SUPT3H: variants seen among roughly 807,000 people sequenced by gnomAD.
The protein encoded by SUPT3H is transcription initiation protein SPT3 homolog.
A neutral mutation model predicts 44.3 loss-of-function variants in SUPT3H; 44 were observed. That is an observed-to-expected ratio of 0.99 (90% CI 0.78 to 1.28). The LOEUF (loss-of-function observed/expected upper bound fraction) is 1.28, where lower values mean the gene tolerates loss of function less well. Among genes scored for constraint, SUPT3H ranks in the 50% most tolerant of loss-of-function variants. SUPT3H has a pLI of 0.00. For missense variants in SUPT3H, 380 were observed against 387.1 expected (o/e 0.98, Z 0.15); for synonymous variants, 124 against 125.6 (o/e 0.99, Z 0.09).
intron 3 of SUPT3H, among the ~76,000 whole-genome samples, chr6:45,078,661 A>G (rs1299770756): frequency 6.6e-6 from 1 of 152,118 alleles, no homozygotes; most frequent in Non-Finnish European, 1.5e-5. Context: ...TTCATTTCGA[A>G]AGGAGAGCTT....
At chr6:45,161,412 C>G (rs955131870) in intron 2 of SUPT3H, among the ~76,000 whole-genome samples, 1 of 152,134 alleles carries the variant, frequency 6.6e-6, no homozygotes, top group Non-Finnish European at 1.5e-5. Flanking sequence ...CTGATCTCTA[C>G]GTAGGGCAAT....
At chr6:45,115,063 T>C (rs547445963) in intron 2 of SUPT3H, among the ~76,000 whole-genome samples, 2 of 152,300 alleles carry the variant, frequency 1.3e-5, no homozygotes, top group East Asian at 3.9e-4. Flanking sequence ...TCCTATAACA[T>C]TGAAAACAGA....
rs1223800330 is a variant in SUPT3H, at chr6:45,180,784, A to T, written c.102-74778T>A. On this transcript the variant is annotated intron_variant, in intron 2 of 10. Coordinates refer to ENST00000371459, the MANE Select transcript of SUPT3H (RefSeq NM_003599.4). ...AAAACCCTGGAAGAAAACCTAGGCA[A>T]TACCATTCAGGACATAGGCATGGGC... Among the ~76,000 whole-genome samples, 4 of 152,210 alleles carry T rather than the reference A, an allele frequency of 2.6e-5. No individual in the cohort carries two copies. The East Asian group carries it at 5.8e-4, about 22-fold the overall frequency.
chr6:45,369,734 G>C (rs1795736516), intron 1 of SUPT3H, among the ~76,000 whole-genome samples: 1 of 152,172 alleles, frequency 6.6e-6, no homozygotes, highest in Non-Finnish European at 1.5e-5. Context: ...GGATATAGTA[G>C]TGACTAAGTC....
intron 10 of SUPT3H, among the ~76,000 whole-genome samples, chr6:44,862,867 C>T (rs191150021): frequency 1.3e-5 from 2 of 152,060 alleles, no homozygotes; most frequent in African/African-American, 4.8e-5. Context: ...ACACCTTGAA[C>T]CTGATCAAAC....
At chr6:44,912,539 ATGTT>A (rs1477916215) in intron 10 of SUPT3H, among the ~76,000 whole-genome samples, 1 of 152,154 alleles carries the variant, frequency 6.6e-6, no homozygotes, top group Non-Finnish European at 1.5e-5. Context: ...AACCTGAACA[ATGTT>A]TGTGATAGGA....
At chr6:45,213,483 C>G (rs1268821057) in intron 2 of SUPT3H, among the ~76,000 whole-genome samples, 2 of 151,830 alleles carry the variant, frequency 1.3e-5, no homozygotes, top group Non-Finnish European at 2.9e-5. Flanking sequence ...ATTAAATAAC[C>G]TATTATTCTT....
intron 2 of SUPT3H, among the ~76,000 whole-genome samples, chr6:45,229,806 T>A (rs1263624803): frequency 1.3e-5 from 2 of 152,118 alleles, no homozygotes; most frequent in African/African-American, 2.4e-5. Context: ...TAATCCAACA[T>A]CTTGACTATT....
intron 3 of SUPT3H, among the ~76,000 whole-genome samples, chr6:45,101,428 AAAC>A (rs1040253894): frequency 4.6e-5 from 7 of 152,224 alleles, no homozygotes; most frequent in Admixed American, 2.6e-4. Context: ...TCCGTCTCCA[AAAC>A]AACAACAACA....
At chr6:44,973,964 C>T (rs1340561628) in intron 6 of SUPT3H, among the ~76,000 whole-genome samples, 4 of 152,168 alleles carry the variant, frequency 2.6e-5, no homozygotes, top group African/African-American at 4.8e-5. Flanking sequence ...ATGGGAACTA[C>T]AATTCCAGAT....
At chr6:45,345,304 G>A (rs1790626533) in intron 2 of SUPT3H, among the ~76,000 whole-genome samples, 1 of 152,156 alleles carries the variant, frequency 6.6e-6, no homozygotes, top group Non-Finnish European at 1.5e-5. Context: ...GAGGTTGACA[G>A]TAAAACTTTT....
chr6:44,942,625 G>T (rs1582650810), intron 9 of SUPT3H, among the ~76,000 whole-genome samples: 1 of 152,226 alleles, frequency 6.6e-6, no homozygotes, highest in Non-Finnish European at 1.5e-5. Context: ...GAGAGATGGG[G>T]TCTCACTATG....
chr6:45,221,223 T>C (rs554452590), intron 2 of SUPT3H, among the ~76,000 whole-genome samples: 5 of 152,042 alleles, frequency 3.3e-5, no homozygotes, highest in Non-Finnish European at 7.4e-5. Context: ...GGGCCTGTCA[T>C]GGGGTGGGGG....
At chr6:45,227,311 T>C (rs929543646) in intron 2 of SUPT3H, among the ~76,000 whole-genome samples, 1 of 151,992 alleles carries the variant, frequency 6.6e-6, no homozygotes, top group Non-Finnish European at 1.5e-5. Flanking sequence ...AAACATATTC[T>C]ACTTCAGACA....
At position 44,919,476 on chromosome 6, in the gene SUPT3H, A is replaced by T. The variant is rs201257228; in HGVS notation, c.912+13177T>A. Among the ~76,000 whole-genome samples the T allele has an allele frequency of 3.2e-3, 393 of 121,892 alleles. 1 individual carries two copies. Among genetic ancestry groups the T allele is most frequent in the African/African-American group, 0.011 (352 of 32,760 alleles). The allele number at this position is 121,892 out of a possible 152,430, so 80.0% of individuals were successfully genotyped here. The stretch of plus-strand genomic sequence containing the variant: ...AGCTATAGTGTATTTTTTTTTTTTT[A>T]AAGTTTAGATGACTTCTGCTTTGAG... On this transcript the variant is annotated intron_variant, in intron 10 of 10. Coordinates refer to ENST00000371459, the MANE Select transcript of SUPT3H (RefSeq NM_003599.4).
chr6:44,929,766 TCC>T (rs1281723478), intron 10 of SUPT3H, among the ~76,000 whole-genome samples: 8 of 125,220 alleles, frequency 6.4e-5, no homozygotes, highest in Admixed American at 5.1e-4. Context: ...TACCATGAGC[TCC>T]CTTTTTTTTT....
chr6:44,909,661 G>A (rs1461763630), intron 10 of SUPT3H, among the ~76,000 whole-genome samples: 2 of 151,940 alleles, frequency 1.3e-5, no homozygotes, highest in South Asian at 2.1e-4. Flanking sequence ...ACCATGCAGG[G>A]GCCTGTTTTT....
At chr6:45,146,896 C>A (rs1806172109) in intron 2 of SUPT3H, among the ~76,000 whole-genome samples, 1 of 152,072 alleles carries the variant, frequency 6.6e-6, no homozygotes, top group Non-Finnish European at 1.5e-5. Context: ...GTCCTTGAAA[C>A]TTAACAGCAA....
intron 2 of SUPT3H, among the ~76,000 whole-genome samples, chr6:45,168,265 G>A (rs540923205): frequency 1.4e-4 from 22 of 152,068 alleles, no homozygotes; most frequent in Non-Finnish European, 2.9e-4. Flanking sequence ...ATACAGTAAC[G>A]GGCTAAATAT....
Sources: gnomAD v4.1 joint callset for allele counts (sites outside exome capture counted in the v4.1 genomes callset) on GRCh38, gnomAD v4.1.1 for gene constraint, MANE v1.5 for transcripts, NCBI Gene and HGNC (gene_info 2026-07-23, HGNC 2026-07-21) for gene names.